The following IFFO2 variants were observed in gnomAD, a reference collection of about 807,000 sequenced individuals.
The protein encoded by IFFO2 is intermediate filament family orphan 2.
IFFO2 carries 19 observed loss-of-function variants against 53.5 expected under a neutral mutation model. That is an observed-to-expected ratio of 0.36 (90% CI 0.25 to 0.52). The LOEUF (loss-of-function observed/expected upper bound fraction) is 0.52. IFFO2 is among the 20% of genes least tolerant of loss of function. The pLI, the probability that IFFO2 is intolerant of heterozygous loss-of-function variation, is 0.94. For synonymous variants in IFFO2, 303 were observed against 313.6 expected (o/e 0.97, Z 0.36); for missense variants, 570 against 727.4 (o/e 0.78, Z 2.49).
At chr1:18,925,873 A>T (rs1936279804) in intron 1 of IFFO2, among the ~76,000 whole-genome samples, 1 of 25,636 alleles carries the variant, frequency 3.9e-5, no homozygotes, top group Non-Finnish European at 8.0e-5. Context: ...GGATGGATGG[A>T]TGGATGGATG....
chr1:18,920,515 T>C (rs1464076020), intron 2 of IFFO2, among the ~76,000 whole-genome samples: 1 of 152,170 alleles, frequency 6.6e-6, no homozygotes, highest in Non-Finnish European at 1.5e-5. Context: ...GAAGATGAAG[T>C]TTGCTGCCCA....
intron 5 of IFFO2, among the ~76,000 whole-genome samples, chr1:18,915,559 T>C (rs539478845): frequency 6.6e-6 from 1 of 152,178 alleles, no homozygotes; most frequent in East Asian, 1.9e-4. Context: ...CGTACTAGCG[T>C]GGGAGGCAGC....
intron 1 of IFFO2, among the ~76,000 whole-genome samples, chr1:18,929,177 C>T (rs6698642): frequency 0.26 from 39,487 of 152,110 alleles, 7,445 homozygotes; most frequent in African/African-American, 0.54. Context: ...TGAGGGCCTG[C>T]CTACCTCAAG....
chr1:18,949,937 C>T (rs1409710911), intron 1 of IFFO2, among the ~76,000 whole-genome samples: 1 of 152,270 alleles, frequency 6.6e-6, no homozygotes, highest in Non-Finnish European at 1.5e-5. Flanking sequence ...CTCCCTGCTT[C>T]CTTTTCTTTT....
Position 18,908,555 on chromosome 1 carries a change from C to A in IFFO2, c.*6G>T. The A allele has an allele frequency of 6.5e-7, 1 of 1,547,708 alleles. No individual in the cohort carries two copies. Among genetic ancestry groups the A allele is most frequent in the Non-Finnish European group, 8.7e-7 (1 of 1,143,336 alleles). ...CAAGACCACCAGGCTCGCAGGGCCT[C>A]AGTCATCAGCTGACCATGGGCTCCA... is the stretch of plus-strand genomic sequence containing the variant. On this transcript the variant is annotated 3_prime_UTR_variant, in exon 9 of 9. Transcript: ENST00000455833.
chr1:18,924,228 G>A (rs1209650015), intron 1 of IFFO2, among the ~76,000 whole-genome samples: 2 of 152,346 alleles, frequency 1.3e-5, no homozygotes, highest in East Asian at 1.9e-4. Flanking sequence ...CCAGGTGGGC[G>A]ATGTGTTTCT....
chr1:18,925,210 T>G (rs1207413743), intron 1 of IFFO2, among the ~76,000 whole-genome samples: 4 of 152,206 alleles, frequency 2.6e-5, no homozygotes, highest in Non-Finnish European at 4.4e-5. Context: ...ATGTTGCAGA[T>G]GAGGCTCAGA....
At chr1:18,910,545 C>G in intron 7 of IFFO2, 73 bp from the exon 8 acceptor site, 10 of 1,527,718 alleles carry the variant, frequency 6.5e-6, no homozygotes, top group Non-Finnish European at 8.9e-6. Context: ...AACCTCTCCT[C>G]CTGGATTCCT....
In IFFO2 at chr1:18,916,053, A is replaced by G. The variant is rs1936128853; in HGVS notation, c.1103+850T>C. ...GGCAGGAGAAACACTGGAACCCGGG[A>G]GGCAGAGGTTGCAGTGAGCCGAGAT... On this transcript the variant is annotated intron_variant, in intron 5 of 8. Transcript: ENST00000455833. The surrounding 1 kb of genome is among the most constrained non-coding windows in gnomAD (Gnocchi z 4.3). Among the ~76,000 whole-genome samples the G allele has an allele frequency of 6.6e-6, 1 of 151,876 alleles. No individual in the cohort carries two copies. Among genetic ancestry groups the G allele is most frequent in the South Asian group, 2.1e-4 (1 of 4,804 alleles).
intron 1 of IFFO2, among the ~76,000 whole-genome samples, chr1:18,924,927 G>A (rs1270594532): frequency 6.6e-6 from 1 of 152,172 alleles, no homozygotes; most frequent in Non-Finnish European, 1.5e-5. Flanking sequence ...GCACTGGGCT[G>A]GAAAGCTACC....
rs937456998 is a variant in IFFO2, at chr1:18,917,038, A to C, written c.968T>G (p.Val323Gly). 2 of 1,551,912 alleles carry C rather than the reference A, an allele frequency of 1.3e-6. No homozygotes were observed. Among genetic ancestry groups the C allele is most frequent in the African/African-American group, 2.7e-5 (2 of 72,974 alleles). ...SEDVSKIFQVVPKKKERKVAS... is the reference protein window; with the variant it reads ...SEDVSKIFQVGPKKKERKVAS... ...CACCTTACGCTCTTTCTTTTTGGGG[A>C]CCACCTGAACCGGAAAGGAAGCAAT... The change falls in exon 5 of 9, where the codon GTC (valine) becomes GGC (glycine). Residue 323 changes from valine (V) to glycine (G), a missense_variant. Transcript: ENST00000455833. The surrounding 1 kb of genome is among the most constrained non-coding windows in gnomAD (Gnocchi z 5.9).
intron 1 of IFFO2, among the ~76,000 whole-genome samples, chr1:18,927,068 T>C (rs925626291): frequency 6.6e-6 from 1 of 152,150 alleles, no homozygotes; most frequent in African/African-American, 2.4e-5. Context: ...GGGCCTCAGT[T>C]GTCCCCTCTG....
intron 5 of IFFO2, among the ~76,000 whole-genome samples, chr1:18,915,919 G>A: frequency 6.6e-6 from 1 of 151,858 alleles, no homozygotes; most frequent in Non-Finnish European, 1.5e-5. Flanking sequence ...GAGGTCAGGA[G>A]TTCGAGACCA....
At position 18,918,251 on chromosome 1, in the gene IFFO2, G is replaced by A; in HGVS notation, c.963+111C>T. On this transcript the variant is annotated intron_variant, in intron 4 of 8. Transcript: ENST00000455833. The surrounding 1 kb of genome is among the most constrained non-coding windows in gnomAD (Gnocchi z 5.2). ...AGGTAGTGCTACCTCTCGGGGAAGG[G>A]GAGGGAGTGAGTGGGATGTGGAGGC... 9.8e-7 allele frequency: 1 copy of A among 1,021,138 alleles called. No homozygotes were observed. The highest frequency in any genetic ancestry group is 1.5e-6 in the Non-Finnish European group (1 of 689,500). 63.3% of individuals were successfully genotyped at this position (1,021,138 alleles called of 1,614,324 possible).
intron 7 of IFFO2, among the ~76,000 whole-genome samples, chr1:18,911,141 C>CTA (rs1936030537): frequency 6.7e-6 from 1 of 150,140 alleles, no homozygotes; most frequent in South Asian, 2.1e-4. Flanking sequence ...GGGATCATCT[C>CTA]AGCTACATAT....
rs113635249 is a variant in IFFO2, at chr1:18,911,441, G to A, written c.1260C>T (p.Thr420=). The A allele has an allele frequency of 8.3e-5, 126 of 1,517,666 alleles. 1 individual carries two copies. Among genetic ancestry groups the A allele is most frequent in the African/African-American group, 2.8e-4 (20 of 71,404 alleles). 94.0% of individuals were successfully genotyped at this position (1,517,666 alleles called of 1,614,324 possible). A position where few individuals can be genotyped will look rare whatever the true frequency, so the allele number is the denominator to read the frequency against. The change falls in exon 7 of 9, where the codon ACC becomes ACT. Residue 420 remains threonine (T), a synonymous_variant. Transcript: ENST00000455833. ...TGTCTCTCGTCTTGAAGAAGGATTC[G>A]GTCTCATGGATCAAGTTGCCCAAGT... ...EENLGNLIHE[T]ESFFKTRDKE...
At chr1:18,921,620 G>A (rs1003461985) in intron 1 of IFFO2, among the ~76,000 whole-genome samples, 3 of 152,236 alleles carry the variant, frequency 2.0e-5, no homozygotes, top group Non-Finnish European at 4.4e-5. Context: ...TCCTACGTAG[G>A]TGTTATCATT....
intron 1 of IFFO2, among the ~76,000 whole-genome samples, chr1:18,937,134 G>A (rs1050781107): frequency 2.0e-5 from 3 of 152,202 alleles, no homozygotes; most frequent in African/African-American, 7.2e-5. Flanking sequence ...CATGCCGCTG[G>A]TAAGGGGAGG....
At chr1:18,911,267 C>T (rs372680179) in intron 7 of IFFO2, 117 bp downstream of exon 7, 22 of 463,414 alleles carry the variant, frequency 4.7e-5, no homozygotes, top group African/African-American at 1.6e-4. Context: ...CCCGATCCTG[C>T]GCCTGCCCCA....
Sources: allele counts gnomAD v4.1 joint callset (sites outside exome capture counted in the v4.1 genomes callset), GRCh38; gene constraint gnomAD v4.1.1; non-coding constraint Gnocchi (gnomAD v3.1); transcripts MANE v1.5; gene names NCBI Gene and HGNC (gene_info 2026-07-23, HGNC 2026-07-21).